The following SPDYA variants were observed in gnomAD, a reference collection of about 807,000 sequenced individuals.
The protein encoded by SPDYA is speedy protein A.
Under a neutral mutation model 36.7 loss-of-function variants are expected in SPDYA, and 11 were observed. The observed-to-expected ratio is 0.30, with a 90% CI of 0.19 to 0.50. The LOEUF (loss-of-function observed/expected upper bound fraction) is 0.50, where lower values mean the gene tolerates loss of function less well. Among genes scored for constraint, SPDYA ranks in the 20% least tolerant of loss-of-function variants. The pLI is 0.98. For missense variants in SPDYA, 287 were observed against 370.9 expected (o/e 0.77, Z 1.86); for synonymous variants, 115 against 118.7 (o/e 0.97, Z 0.20).
At chr2:28,826,080 T>C (rs1032458140) in intron 5 of SPDYA, among the ~76,000 whole-genome samples, 20 of 152,122 alleles carry the variant, frequency 1.3e-4, no homozygotes, top group African/African-American at 4.8e-4. Context: ...GGCACTGGTT[T>C]CTTTTTAATA....
chr2:28,823,633 A>G (rs190501631), intron 5 of SPDYA, among the ~76,000 whole-genome samples: 94 of 144,222 alleles, frequency 6.5e-4, no homozygotes, highest in African/African-American at 2.3e-3. Context: ...CAGGAAAGAA[A>G]AAAAAAAAAA....
At chr2:28,815,099 T>C (rs1014846627) in intron 2 of SPDYA, among the ~76,000 whole-genome samples, 3 of 151,928 alleles carry the variant, frequency 2.0e-5, no homozygotes, top group African/African-American at 4.8e-5. Context: ...CTGGGCAACA[T>C]AGTGAGACCT....
chr2:28,837,508 C>T (rs756060479), intron 6 of SPDYA, among the ~76,000 whole-genome samples: 6 of 152,102 alleles, frequency 3.9e-5, no homozygotes, highest in Admixed American at 2.6e-4. Flanking sequence ...AATGATGCTT[C>T]GAGTATTTAA....
chr2:28,822,174 G>A, intron 4 of SPDYA, 151 bp from the exon 5 acceptor site: 1 of 391,632 alleles, frequency 2.6e-6, no homozygotes, highest in Non-Finnish European at 4.7e-6. Flanking sequence ...GTGGATTACA[G>A]GAATCCAAAA....
intron 7 of SPDYA, among the ~76,000 whole-genome samples, chr2:28,844,171 A>T (rs1157893443): frequency 1.3e-5 from 2 of 152,228 alleles, no homozygotes; most frequent in African/African-American, 4.8e-5. Flanking sequence ...ATTAGGGCAT[A>T]TAAGTTAATA....
intron 4 of SPDYA, among the ~76,000 whole-genome samples, chr2:28,821,272 T>C (rs1044747676): frequency 1.4e-4 from 20 of 141,274 alleles, no homozygotes; most frequent in Admixed American, 5.3e-4. Context: ...TGATCTCAGC[T>C]CACTGCAACC....
Position 28,849,831 on chromosome 2 carries a change from A to G in SPDYA, c.851-19A>G. Reference sequence around the variant, plus strand: ...GACAGATACATAAAATTTATCTTAAAATGCATATTTTATTTCAGTAGTCAA... The same window carrying G: ...GACAGATACATAAAATTTATCTTAAGATGCATATTTTATTTCAGTAGTCAA... On this transcript the variant is annotated intron_variant, in intron 7 of 7. Transcript: ENST00000334056. The G allele has an allele frequency of 7.2e-7, 1 of 1,389,126 alleles. No individual in the cohort carries two copies. Among genetic ancestry groups the G allele is most frequent in the Non-Finnish European group, 1.0e-6 (1 of 1,002,904 alleles). The allele number at this position is 1,389,126 out of a possible 1,614,324, so 86.1% of individuals were successfully genotyped here.
chr2:28,813,573 A>G (rs1191815277), intron 1 of SPDYA, among the ~76,000 whole-genome samples: 2 of 148,660 alleles, frequency 1.3e-5, no homozygotes, highest in African/African-American at 5.0e-5. Context: ...TTTTTTTGAG[A>G]CGGAGTCTTG....
At position 28,850,361 on chromosome 2, in the gene SPDYA, C is replaced by G; in HGVS notation, c.*420C>G. Reference sequence around the variant, plus strand: ...CCAGGTTGCCAGTGTACTGGTCTAGCAACATAGGGAAATGATCCATATGGA... The same window carrying G: ...CCAGGTTGCCAGTGTACTGGTCTAGGAACATAGGGAAATGATCCATATGGA... On this transcript the variant is annotated 3_prime_UTR_variant, in exon 8 of 8. Transcript: ENST00000334056. 1.2e-6 allele frequency: 2 copies of G among 1,610,910 alleles called. No homozygotes were observed. The highest frequency in any genetic ancestry group is 1.7e-6 in the Non-Finnish European group (2 of 1,178,490).
At chr2:28,823,173 G>A (rs1264862911) in intron 5 of SPDYA, among the ~76,000 whole-genome samples, 1 of 152,068 alleles carries the variant, frequency 6.6e-6, no homozygotes, top group East Asian at 1.9e-4. Context: ...GATACCATTG[G>A]TATTCACTGG....
chr2:28,832,757 A>G (rs1668507313), intron 6 of SPDYA, among the ~76,000 whole-genome samples: 1 of 150,722 alleles, frequency 6.6e-6, no homozygotes, highest in East Asian at 1.9e-4. Flanking sequence ...ATTTCTCACC[A>G]CCTCCACCAC....
intron 5 of SPDYA, among the ~76,000 whole-genome samples, chr2:28,825,911 A>T (rs1297309564): frequency 1.3e-5 from 2 of 150,698 alleles, no homozygotes; most frequent in African/African-American, 4.9e-5. Flanking sequence ...CTAATTTTTT[A>T]TTTTTTATTT....
At chr2:28,812,044 A>G (rs1040121030) in intron 1 of SPDYA, among the ~76,000 whole-genome samples, 4 of 152,240 alleles carry the variant, frequency 2.6e-5, no homozygotes, top group Non-Finnish European at 4.4e-5. Context: ...TGGTTAAAGA[A>G]TATGGGACTT....
intron 5 of SPDYA, among the ~76,000 whole-genome samples, chr2:28,827,655 T>C (rs1668365677): frequency 6.6e-6 from 1 of 152,232 alleles, no homozygotes; most frequent in Admixed American, 6.5e-5. Flanking sequence ...TTTTTTTCTC[T>C]GAGTACTTTT....
chr2:28,822,926 T>C (rs1300262426), intron 5 of SPDYA, among the ~76,000 whole-genome samples: 3 of 152,192 alleles, frequency 2.0e-5, no homozygotes, highest in Non-Finnish European at 2.9e-5. Flanking sequence ...GGAGTATTCC[T>C]CTTCAATTTG....
At chr2:28,820,689 C>G in intron 4 of SPDYA, among the ~76,000 whole-genome samples, 1 of 151,942 alleles carries the variant, frequency 6.6e-6, no homozygotes, top group East Asian at 1.9e-4. Flanking sequence ...TTGTAAATGC[C>G]ATTTTGTACC....
chr2:28,819,194 A>G (rs1234960229), intron 4 of SPDYA, 88 bp downstream of exon 4: 8 of 1,011,886 alleles, frequency 7.9e-6, no homozygotes, highest in East Asian at 7.7e-5. Context: ...AGAATTTTCT[A>G]TCTTATTAGT....
chr2:28,842,283 A>T (rs1011434205), intron 7 of SPDYA: 1 of 152,268 alleles, frequency 6.6e-6, no homozygotes, highest in East Asian at 1.9e-4. Context: ...GAAAGGCTAC[A>T]TGAAGTGAGC....
intron 7 of SPDYA, among the ~76,000 whole-genome samples, chr2:28,847,046 A>G (rs1661709981): frequency 6.6e-6 from 1 of 152,224 alleles, no homozygotes; most frequent in Admixed American, 6.5e-5. Context: ...TGATGGAATT[A>G]AAAAATGGAC....
Sources: gnomAD v4.1 joint callset for allele counts (sites outside exome capture counted in the v4.1 genomes callset) on GRCh38, gnomAD v4.1.1 for gene constraint, MANE v1.5 for transcripts, NCBI Gene and HGNC (gene_info 2026-07-23, HGNC 2026-07-21) for gene names.